The following ZNF283 variants were observed in gnomAD, a reference collection of about 807,000 sequenced individuals.
The protein encoded by ZNF283 is zinc finger protein 41.
In ZNF283, 10 loss-of-function variants were observed where a neutral mutation model predicts 9.2. The observed-to-expected ratio is 1.09, with a 90% CI of 0.67 to 1.85. The LOEUF (loss-of-function observed/expected upper bound fraction) is 1.85. ZNF283 is among the 40% of genes most tolerant of loss of function. The pLI is 0.00. For missense variants in ZNF283, 631 were observed against 760.1 expected, an observed-to-expected ratio of 0.83 and a Z score of 2.00; for synonymous variants, 234 against 244.1, an observed-to-expected ratio of 0.96 and a Z score of 0.38.
At chr19:43,831,427 C>T (rs757959731) in intron 3 of ZNF283, 46 bp downstream of exon 3, 27 of 1,514,836 alleles carry the variant, frequency 1.8e-5, no homozygotes, top group East Asian at 6.9e-5. Flanking sequence ...GTGTTGGCCC[C>T]GTTTGTTCAG....
chr19:43,846,311 A>C (rs1373463955), intron 6 of ZNF283, among the ~76,000 whole-genome samples: 3 of 152,208 alleles, frequency 2.0e-5, no homozygotes, highest in African/African-American at 7.2e-5. Flanking sequence ...TCTGGCTAAT[A>C]AATCTAAGTA....
Position 43,846,275 on chromosome 19 carries a change from A to G in ZNF283, c.338-664A>G, listed in dbSNP as rs1005060592. Among the ~76,000 whole-genome samples, 15 of 152,234 alleles carry G rather than the reference A, an allele frequency of 9.9e-5. 1 individual carries two copies. Among genetic ancestry groups the G allele is most frequent in the African/African-American group, 3.1e-4 (13 of 41,470 alleles). On this transcript the variant is annotated intron_variant, in intron 6 of 6. Transcript: ENST00000618787. ...CATAATTGCAGCATTATATGAAGTT[A>G]TAAAAATCAATCCTTTTATAAAAAT...
At chr19:43,836,930 C>G (rs1288985168) in intron 5 of ZNF283, 123 bp from the exon 6 acceptor site, 1 of 1,055,950 alleles carries the variant, frequency 9.5e-7, no homozygotes, top group African/African-American at 1.6e-5. Context: ...ATATCAGAGG[C>G]TTTCAGCCTA....
intron 6 of ZNF283, among the ~76,000 whole-genome samples, chr19:43,846,652 TTG>T (rs1971410163): frequency 6.6e-6 from 1 of 152,158 alleles, no homozygotes; most frequent in South Asian, 2.1e-4. Flanking sequence ...ACATAAGGGC[TTG>T]ATTGATGGAA....
chr19:43,844,315 G>A (rs1281053126), intron 6 of ZNF283, among the ~76,000 whole-genome samples: 1 of 152,070 alleles, frequency 6.6e-6, no homozygotes, highest in Non-Finnish European at 1.5e-5. Flanking sequence ...TACTGACACT[G>A]TAAAACCTTA....
In ZNF283 at chr19:43,847,377, G is replaced by C. The variant is rs570503505; in HGVS notation, c.776G>C (p.Gly259Ala). Residue 259 changes from glycine (G) to alanine (A), a missense_variant, in exon 7 of 7, where the codon GGT (glycine) becomes GCT (alanine). Transcript: ENST00000618787. ...AATGTGCATCAGAGATTTCATACTG[G>C]TGAGAAACCCTATGAGTGTAAGGAA... is the stretch of plus-strand genomic sequence containing the variant. ...QLNVHQRFHT[G>A]EKPYECKECG... 5 of 1,613,972 alleles carry C rather than the reference G, an allele frequency of 3.1e-6. No individual in the cohort carries two copies. The highest frequency in any genetic ancestry group is 1.3e-5 in the African/African-American group (1 of 75,024).
chr19:43,839,559 C>T (rs1971116933), intron 6 of ZNF283, among the ~76,000 whole-genome samples: 1 of 152,022 alleles, frequency 6.6e-6, no homozygotes, highest in Non-Finnish European at 1.5e-5. Flanking sequence ...TTTTCTGGGA[C>T]TCATATGATG....
rs139753033 is a variant in ZNF283, at chr19:43,835,484, C to T, written c.123-21C>T. On this transcript the variant is annotated intron_variant, in intron 4 of 6. Coordinates refer to ENST00000618787, the MANE Select transcript of ZNF283 (RefSeq NM_181845.2). ...GATCACTGAGGCACACCTGGTTTAA[C>T]GCTTCGTTTTCCCTCCCCAGTTCTG... The T allele has an allele frequency of 6.3e-5, 99 of 1,560,500 alleles. No homozygotes were observed. In the East Asian group the frequency reaches 7.7e-4, roughly 12 times the overall value.
chr19:43,830,933 T>G (rs1970684858), intron 2 of ZNF283, among the ~76,000 whole-genome samples: 4 of 142,778 alleles, frequency 2.8e-5, no homozygotes, highest in African/African-American at 1.1e-4. Context: ...AAAAAATTAG[T>G]GTCCAATAGA....
Position 43,849,804 on chromosome 19 carries a change from T to C in ZNF283, c.*1163T>C, listed in dbSNP as rs1035552265. The C allele has an allele frequency of 3.3e-5, 5 of 152,372 alleles. No homozygotes were observed. Among genetic ancestry groups the C allele is most frequent in the Middle Eastern group, 6.8e-3 (2 of 294 alleles). 9.4% of individuals were successfully genotyped at this position (152,372 alleles called of 1,614,324 possible). A position where few individuals can be genotyped will look rare whatever the true frequency, so the allele number is the denominator to read the frequency against. ...TTACAGAGATTAGATGGATTTAGTA[T>C]GCATCATATCCTTGGAAGAGTATCT... is the stretch of plus-strand genomic sequence containing the variant. On this transcript the variant is annotated 3_prime_UTR_variant, in exon 7 of 7. Transcript: ENST00000618787.
rs919009354 is a variant in ZNF283 at position 43,848,327 on chromosome 19, T to C, written c.1726T>C (p.Cys576Arg). 1 of 1,614,044 alleles carries C rather than the reference T, an allele frequency of 6.2e-7. No homozygotes were observed. The highest frequency in any genetic ancestry group is 8.5e-7 in the Non-Finnish European group (1 of 1,179,964). ...TGEKPFKCKE[C>R]GKAFSWGSSL... Reference sequence around the variant, plus strand: ...TGAGAAACCTTTCAAATGTAAGGAATGTGGGAAGGCCTTCAGTTGGGGTTC... The same window carrying C: ...TGAGAAACCTTTCAAATGTAAGGAACGTGGGAAGGCCTTCAGTTGGGGTTC... The change falls in exon 7 of 7, where the codon TGT (cysteine) becomes CGT (arginine). Residue 576 changes from cysteine (C) to arginine (R), a missense_variant. Transcript: ENST00000618787.
At chr19:43,835,258 G>T (rs1452215642) in intron 4 of ZNF283, among the ~76,000 whole-genome samples, 1 of 152,176 alleles carries the variant, frequency 6.6e-6, no homozygotes, top group East Asian at 1.9e-4. Context: ...GAAGGAGGAT[G>T]ATCTGATTTC....
rs1281428170 is a variant in ZNF283 at position 43,847,687 on chromosome 19, T to A, written c.1086T>A (p.Leu362=). The A allele has an allele frequency of 6.2e-7, 1 of 1,613,564 alleles. No individual in the cohort carries two copies. The highest frequency in any genetic ancestry group is 2.2e-5 in the East Asian group (1 of 44,858). The change falls in exon 7 of 7, where the codon CTT becomes CTA. Residue 362 remains leucine, a synonymous_variant. Coordinates refer to ENST00000618787, the MANE Select transcript of ZNF283 (RefSeq NM_181845.2). ...AGGCCTTCAGTCGTGGCTATCAGCT[T>A]ACTCAGCATCAGAAAATCCATACTG... ...CGKAFSRGYQ[L]TQHQKIHTGK...
chr19:43,839,675 T>G (rs1467828350), intron 6 of ZNF283, among the ~76,000 whole-genome samples: 1 of 152,210 alleles, frequency 6.6e-6, no homozygotes, highest in African/African-American at 2.4e-5. Flanking sequence ...TTCAAATGAC[T>G]CATTTTCAAG....
rs1549956 is a variant in ZNF283, at chr19:43,849,986, T to A, written c.*1345T>A. 6.6e-6 allele frequency: 1 copy of A among 151,950 alleles called. No homozygotes were observed. The highest frequency in any genetic ancestry group is 6.5e-5 in the Admixed American group (1 of 15,274). 9.4% of individuals were successfully genotyped at this position (151,950 alleles called of 1,614,324 possible). A position where few individuals can be genotyped will look rare whatever the true frequency, so the allele number is the denominator to read the frequency against. ...ACTCATCCATTTGAATTTCAGATAG[T>A]TCATTCTGGATAAGATCTAGTACAG... On this transcript the variant is annotated 3_prime_UTR_variant, in exon 7 of 7. Coordinates refer to ENST00000618787, the MANE Select transcript of ZNF283 (RefSeq NM_181845.2).
intron 2 of ZNF283, among the ~76,000 whole-genome samples, chr19:43,829,727 A>T (rs1176069811): frequency 6.6e-6 from 1 of 152,102 alleles, no homozygotes; most frequent in Non-Finnish European, 1.5e-5. Context: ...CTTGCAAATT[A>T]ACTAAAAAAG....
rs1971395408 is a variant in ZNF283 at position 43,846,235 on chromosome 19, A to G, written c.338-704A>G. ...ACATTTAAAATTTTTAAATAAGGTAAAATCTATAGAGTCACATAATTGCAG... is the reference window on the plus strand; with the variant it reads ...ACATTTAAAATTTTTAAATAAGGTAGAATCTATAGAGTCACATAATTGCAG... On this transcript the variant is annotated intron_variant, in intron 6 of 6. Transcript: ENST00000618787. Among the ~76,000 whole-genome samples the G allele has an allele frequency of 2.0e-5, 3 of 152,174 alleles. No individual in the cohort carries two copies. The East Asian group carries it at 5.8e-4, about 29-fold the overall frequency.
At chr19:43,838,260 G>T (rs1027522850) in intron 6 of ZNF283, among the ~76,000 whole-genome samples, 1 of 152,088 alleles carries the variant, frequency 6.6e-6, no homozygotes, top group Admixed American at 6.6e-5. Context: ...GCGTCTGCTG[G>T]CTTCCTCCTT....
At position 43,850,441 on chromosome 19, in the gene ZNF283, CT is replaced by C. The variant is rs72316769; in HGVS notation, c.*1814del. ...GTGTGATCATATGGTATGTATTTTA[CT>C]TTTTTTTTTTTTTGGGACAGGATCT... On this transcript the variant is annotated 3_prime_UTR_variant, in exon 7 of 7. Coordinates refer to ENST00000618787, the MANE Select transcript of ZNF283 (RefSeq NM_181845.2). 13,014 of 146,898 alleles carry C rather than the reference CT, an allele frequency of 0.089. 699 individuals carry two copies. Among genetic ancestry groups the C allele is most frequent in the Non-Finnish European group, 0.13 (8,611 of 66,662 alleles). 9.1% of individuals were successfully genotyped at this position (146,898 alleles called of 1,614,324 possible).
Sources: allele counts gnomAD v4.1 joint callset (sites outside exome capture counted in the v4.1 genomes callset), GRCh38; gene constraint gnomAD v4.1.1; transcripts MANE v1.5; gene names NCBI Gene and HGNC (gene_info 2026-07-23, HGNC 2026-07-21).